Variants in KCNQ5 observed in about 807,000 individuals in gnomAD.
The protein encoded by KCNQ5 is potassium voltage-gated channel subfamily KQT member 5.
Under a neutral mutation model 98.2 loss-of-function variants are expected in KCNQ5, and 30 were observed. That is an observed-to-expected ratio of 0.31 (90% CI 0.23 to 0.41). The LOEUF (loss-of-function observed/expected upper bound fraction) is 0.41, where lower values mean the gene tolerates loss of function less well. Ranked by LOEUF, KCNQ5 falls within the 10% of genes least tolerant of loss-of-function variation. The probability of loss-of-function intolerance (pLI) is 1.00; values close to 1 mark genes in which losing one functional copy is unlikely to be tolerated. For missense variants in KCNQ5, 835 were observed against 1,182.5 expected, an observed-to-expected ratio of 0.71 and a Z score of 4.31; for synonymous variants, 458 against 449.4, an observed-to-expected ratio of 1.02 and a Z score of -0.24.
intron 1 of KCNQ5, among the ~76,000 whole-genome samples, chr6:72,913,209 C>T (rs1780010643): frequency 6.6e-6 from 1 of 152,042 alleles, no homozygotes; most frequent in South Asian, 2.1e-4. Context: ...TTTTTCACCA[C>T]AAGTAGATTT....
At chr6:72,669,910 C>CTTTTTTTTT (rs541665177) in intron 1 of KCNQ5, among the ~76,000 whole-genome samples, 373 of 134,818 alleles carry the variant, frequency 2.8e-3, no homozygotes, top group Middle Eastern at 8.7e-3. Context: ...ACTTTCTTTC[C>CTTTTTTTTT]TTTTTTTTTT....
At chr6:72,816,323 A>G (rs2150109475) in intron 1 of KCNQ5, among the ~76,000 whole-genome samples, 1 of 152,352 alleles carries the variant, frequency 6.6e-6, no homozygotes, top group South Asian at 2.1e-4. Context: ...AGAAGCAATG[A>G]GCATAGAAGA....
At chr6:73,154,729 C>T (rs1301365111) in intron 10 of KCNQ5, among the ~76,000 whole-genome samples, 1 of 152,138 alleles carries the variant, frequency 6.6e-6, no homozygotes, top group East Asian at 1.9e-4. Flanking sequence ...AAAAGTTACT[C>T]ATTCTTTTAC....
chr6:73,155,738 AT>A (rs1053592756), intron 10 of KCNQ5, among the ~76,000 whole-genome samples: 1 of 151,740 alleles, frequency 6.6e-6, no homozygotes, highest in Admixed American at 6.6e-5. Context: ...CCACAGGTGA[AT>A]TTTTTTTCTT....
rs988766020 is a variant in KCNQ5, at chr6:72,836,442, G to A, written c.399-167466G>A. ...AATTTGGTGCTCTCTCTCTGTGTGTGTATATATATATATTTGAGACAGGGT... is the reference window on the plus strand; with the variant it reads ...AATTTGGTGCTCTCTCTCTGTGTGTATATATATATATATTTGAGACAGGGT... On this transcript the variant is annotated intron_variant, in intron 1 of 13. Coordinates refer to ENST00000370398, the MANE Select transcript of KCNQ5 (RefSeq NM_019842.4). Among the ~76,000 whole-genome samples the A allele has an allele frequency of 5.3e-5, 8 of 151,444 alleles. No homozygotes were observed. The East Asian group carries it at 1.2e-3, about 22-fold the overall frequency.
At chr6:72,635,876 G>A (rs753376353) in intron 1 of KCNQ5, among the ~76,000 whole-genome samples, 1 of 151,464 alleles carries the variant, frequency 6.6e-6, no homozygotes, top group Non-Finnish European at 1.5e-5. Context: ...ATTGCTCTAT[G>A]GTAATTAATA....
At chr6:72,747,038 G>A (rs1461503943) in intron 1 of KCNQ5, among the ~76,000 whole-genome samples, 1 of 152,010 alleles carries the variant, frequency 6.6e-6, no homozygotes, top group African/African-American at 2.4e-5. Flanking sequence ...TTATATTTAT[G>A]TTCTAGTTCA....
chr6:73,169,980 C>T, intron 11 of KCNQ5, 126 bp downstream of exon 11: 1 of 668,348 alleles, frequency 1.5e-6, no homozygotes, highest in Non-Finnish European at 2.7e-6. Flanking sequence ...CCTATTCATC[C>T]ATATGCCTAT....
intron 5 of KCNQ5, among the ~76,000 whole-genome samples, chr6:73,086,242 A>C (rs200576990): frequency 6.6e-6 from 1 of 151,902 alleles, no homozygotes; most frequent in African/African-American, 2.4e-5. Flanking sequence ...CTCTTTGCCT[A>C]TTCCAAGCCT....
At chr6:73,000,360 A>G (rs1164336541) in intron 1 of KCNQ5, among the ~76,000 whole-genome samples, 1 of 152,192 alleles carries the variant, frequency 6.6e-6, no homozygotes, top group East Asian at 1.9e-4. Flanking sequence ...TCATTTGCCA[A>G]ATGAAAGAAA....
At chr6:72,647,709 A>T (rs1429818394) in intron 1 of KCNQ5, among the ~76,000 whole-genome samples, 1 of 152,116 alleles carries the variant, frequency 6.6e-6, no homozygotes, top group Non-Finnish European at 1.5e-5. Context: ...AGGGACCAAA[A>T]CAGATCATTA....
intron 1 of KCNQ5, among the ~76,000 whole-genome samples, chr6:72,919,575 A>G (rs1780301452): frequency 2.0e-5 from 3 of 152,206 alleles, no homozygotes; most frequent in Admixed American, 2.0e-4. Flanking sequence ...CAGTTGATAG[A>G]TGGTGTAGCC....
intron 2 of KCNQ5, among the ~76,000 whole-genome samples, chr6:73,027,199 G>A (rs147734496): frequency 5.3e-5 from 8 of 152,262 alleles, no homozygotes; most frequent in African/African-American, 1.9e-4. Flanking sequence ...AACAGAATAT[G>A]CAAATACAGA....
chr6:73,185,744 G>A (rs80334624), intron 11 of KCNQ5, among the ~76,000 whole-genome samples: 4,715 of 152,264 alleles, frequency 0.031, 108 homozygotes, highest in East Asian at 0.1. Context: ...GGGAAAACCA[G>A]TGAAGGACTT....
intron 1 of KCNQ5, among the ~76,000 whole-genome samples, chr6:72,746,952 A>T (rs746009065): frequency 6.6e-6 from 1 of 152,148 alleles, no homozygotes; most frequent in Non-Finnish European, 1.5e-5. Context: ...ATAACAAAAG[A>T]TTATGTGTTA....
chr6:72,645,031 T>C, intron 1 of KCNQ5, among the ~76,000 whole-genome samples: 1 of 151,996 alleles, frequency 6.6e-6, no homozygotes, highest in East Asian at 1.9e-4. Context: ...TATCCCAGCA[T>C]GCTGGGATGG....
rs528650062 is a variant in KCNQ5 at position 72,699,187 on chromosome 6, A to G, written c.398+76600A>G. Among the ~76,000 whole-genome samples the G allele has an allele frequency of 3.3e-5, 5 of 152,338 alleles. No homozygotes were observed. The East Asian group carries it at 9.6e-4, about 29-fold the overall frequency. On this transcript the variant is annotated intron_variant, in intron 1 of 13. Coordinates refer to ENST00000370398, the MANE Select transcript of KCNQ5 (RefSeq NM_019842.4). Reference sequence around the variant, plus strand: ...ATCTGAATCAGCTATTAGAGCTGAAATCAGGTGGGACCTTCTAAATTTTAG... The same window carrying G: ...ATCTGAATCAGCTATTAGAGCTGAAGTCAGGTGGGACCTTCTAAATTTTAG...
At chr6:72,970,607 G>T (rs1323276220) in intron 1 of KCNQ5, among the ~76,000 whole-genome samples, 1 of 152,128 alleles carries the variant, frequency 6.6e-6, no homozygotes, top group Admixed American at 6.5e-5. Flanking sequence ...ATACTACAAG[G>T]CCACAGTAAC....
rs143268492 is a variant in KCNQ5, at chr6:73,003,780, C to T, written c.399-128C>T. On this transcript the variant is annotated intron_variant, in intron 1 of 13. Transcript: ENST00000370398. ...TAATATCCAAAATGGCTAGTCCCTTCCAGAGTTTTTATGAGTTAATGTGTG... is the reference window on the plus strand; with the variant it reads ...TAATATCCAAAATGGCTAGTCCCTTTCAGAGTTTTTATGAGTTAATGTGTG... 2.0e-4 allele frequency: 124 copies of T among 626,434 alleles called. No individual in the cohort carries two copies. In the African/African-American group the frequency reaches 2.0e-3, roughly 10 times the overall value. The allele number at this position is 626,434 out of a possible 1,614,324, so 38.8% of individuals were successfully genotyped here.
Sources: gnomAD v4.1 joint callset for allele counts (sites outside exome capture counted in the v4.1 genomes callset) on GRCh38, gnomAD v4.1.1 for gene constraint, MANE v1.5 for transcripts, NCBI Gene and HGNC (gene_info 2026-07-23, HGNC 2026-07-21) for gene names.